Variants in BRF1 observed in about 807,000 individuals in gnomAD.
The protein encoded by BRF1 is BRF1 general transcription factor IIIB subunit.
BRF1 carries 59 observed loss-of-function variants against 81.7 expected under a neutral mutation model. That is an observed-to-expected ratio of 0.72 (90% CI 0.59 to 0.90). The LOEUF (loss-of-function observed/expected upper bound fraction) is 0.90, where lower values mean the gene tolerates loss of function less well. Ranked by LOEUF, BRF1 falls within the 40% of genes least tolerant of loss-of-function variation. The pLI, the probability that BRF1 is intolerant of heterozygous loss-of-function variation, is 0.00. For missense variants in BRF1, 1,050 were observed against 936.3 expected (o/e 1.12, Z -1.58); for synonymous variants, 491 against 395.6 (o/e 1.24, Z -2.86).
chr14:105,303,541 C>G (rs907432749), upstream of BRF1, among the ~76,000 whole-genome samples: 1 of 152,316 alleles, frequency 6.6e-6, no homozygotes. Flanking sequence ...TCGCGCCTGG[C>G]CTTTTCCTAG....
chr14:105,249,207 T>C (rs1209943478), intron 5 of BRF1: 1 of 1,588,898 alleles, frequency 6.3e-7, no homozygotes, highest in South Asian at 1.1e-5. Context: ...CACTTCGTCG[T>C]GGGGCCCCCG....
chr14:105,312,746 C>T (rs1332906997), intron 1 of BRF1, among the ~76,000 whole-genome samples: 1 of 152,218 alleles, frequency 6.6e-6, no homozygotes, highest in East Asian at 1.9e-4. Flanking sequence ...GACATCTGTG[C>T]ACTTGGAAAA....
intron 5 of BRF1, chr14:105,248,576 G>A (rs927035755): frequency 8.6e-5 from 79 of 913,502 alleles, no homozygotes; most frequent in Non-Finnish European, 9.7e-5. Flanking sequence ...GGCTCGGGCG[G>A]GCGGGCGGGC....
intron 4 of BRF1, among the ~76,000 whole-genome samples, chr14:105,252,865 C>T (rs1566839037): frequency 6.6e-6 from 1 of 152,218 alleles, no homozygotes; most frequent in African/African-American, 2.4e-5. Flanking sequence ...CGTCATCACA[C>T]GGTGCACGCA....
intron 14 of BRF1, among the ~76,000 whole-genome samples, chr14:105,218,280 A>G (rs1189684886): frequency 6.6e-6 from 1 of 152,140 alleles, no homozygotes; most frequent in East Asian, 1.9e-4. Flanking sequence ...GCCATAGACC[A>G]CTTCAGGGCA....
intron 1 of BRF1, among the ~76,000 whole-genome samples, chr14:105,291,970 C>T (rs1201161934): frequency 6.6e-6 from 1 of 152,036 alleles, no homozygotes; most frequent in Non-Finnish European, 1.5e-5. Flanking sequence ...TGCACTCCAG[C>T]CTGGGCAACA....
chr14:105,277,568 C>A (rs2735832), intron 2 of BRF1, among the ~76,000 whole-genome samples: 1 of 71,976 alleles, frequency 1.4e-5, no homozygotes, highest in Non-Finnish European at 3.1e-5. Flanking sequence ...AGCTGAGAGG[C>A]GGCCCTCACT....
chr14:105,264,183 T>C (rs1024868148), intron 3 of BRF1, among the ~76,000 whole-genome samples: 1 of 152,120 alleles, frequency 6.6e-6, no homozygotes, highest in African/African-American at 2.4e-5. Context: ...TGGACTCTAA[T>C]AAAAGGAGTC....
intron 7 of BRF1, chr14:105,227,725 T>C (rs1046348371): frequency 1.3e-5 from 2 of 152,282 alleles, no homozygotes; most frequent in Non-Finnish European, 2.9e-5. Context: ...CTGTGAGCCA[T>C]GGGGCTCAGT....
At chr14:105,262,974 C>T (rs1418571125) in intron 3 of BRF1, among the ~76,000 whole-genome samples, 1 of 151,836 alleles carries the variant, frequency 6.6e-6, no homozygotes, top group Admixed American at 6.5e-5. Context: ...GACACGGTGG[C>T]TCACGCCTGT....
chr14:105,289,835 C>A (rs1227417447), intron 1 of BRF1, among the ~76,000 whole-genome samples: 2 of 151,942 alleles, frequency 1.3e-5, no homozygotes, highest in Non-Finnish European at 2.9e-5. Context: ...GAGGTTTCAC[C>A]ACGTTGGCCA....
At chr14:105,278,435 CAA>C (rs368178497) in intron 2 of BRF1, among the ~76,000 whole-genome samples, 40 of 108,440 alleles carry the variant, frequency 3.7e-4, no homozygotes, top group Admixed American at 3.9e-4. Context: ...ACCCTGTCTC[CAA>C]AAAAAAAAAA....
chr14:105,218,923 G>A, intron 14 of BRF1, 75 bp downstream of exon 14: 1 of 1,596,906 alleles, frequency 6.3e-7, no homozygotes, highest in Non-Finnish European at 8.6e-7. Context: ...ATGGGGAAGG[G>A]ACATTCCAGA....
At chr14:105,226,000 C>G (rs1387276951) in intron 10 of BRF1, 69 bp downstream of exon 10, 7 of 1,435,222 alleles carry the variant, frequency 4.9e-6, no homozygotes, top group Non-Finnish European at 6.7e-6. Flanking sequence ...TTTTCTGATC[C>G]TGAAGAGATC....
At chr14:105,313,523 G>C (rs2058412263) in intron 1 of BRF1, among the ~76,000 whole-genome samples, 1 of 152,212 alleles carries the variant, frequency 6.6e-6, no homozygotes, top group Non-Finnish European at 1.5e-5. Flanking sequence ...AGTCGCAGCT[G>C]TTTGCAGTTC....
intron 6 of BRF1, among the ~76,000 whole-genome samples, chr14:105,229,306 A>G (rs902920794): frequency 5.3e-5 from 8 of 152,278 alleles, no homozygotes; most frequent in Non-Finnish European, 2.9e-5. Flanking sequence ...GGCAGCTGAC[A>G]CAGGTTCACC....
At chr14:105,248,151 G>A in intron 5 of BRF1, 2 of 985,504 alleles carry the variant, frequency 2.0e-6, no homozygotes, top group Non-Finnish European at 2.4e-6. Flanking sequence ...AGAGCAGAGT[G>A]GACCGCGCTC....
intron 11 of BRF1, among the ~76,000 whole-genome samples, chr14:105,220,839 C>T (rs1457097001): frequency 6.6e-6 from 1 of 152,244 alleles, no homozygotes; most frequent in African/African-American, 2.4e-5. Context: ...CCTCTCAGCA[C>T]TCACAGGCAG....
intron 5 of BRF1, among the ~76,000 whole-genome samples, chr14:105,244,480 C>A (rs2054935493): frequency 1.3e-5 from 2 of 151,148 alleles, no homozygotes; most frequent in African/African-American, 4.8e-5. Flanking sequence ...GTGTTTTTTT[C>A]AAGACAAATC....
Sources: gnomAD v4.1 joint callset for allele counts (sites outside exome capture counted in the v4.1 genomes callset) on GRCh38, gnomAD v4.1.1 for gene constraint, MANE v1.5 for transcripts, NCBI Gene and HGNC (gene_info 2026-07-23, HGNC 2026-07-21) for gene names.